TNKS: variants seen among roughly 807,000 people sequenced by gnomAD.
TNKS encodes the protein tankyrase.
In TNKS, 72 loss-of-function variants were observed where a neutral mutation model predicts 135.8. The observed-to-expected ratio is 0.53, with a 90% CI of 0.44 to 0.64. The LOEUF is 0.64. Ranked by LOEUF, TNKS falls within the 30% of genes least tolerant of loss-of-function variation. The pLI is 0.00. For synonymous variants in TNKS, 849 were observed against 649.3 expected (o/e 1.31, Z -4.68); for missense variants, 1,769 against 1,674.0 (o/e 1.06, Z -0.99).
intron 3 of TNKS, among the ~76,000 whole-genome samples, chr8:9,646,358 T>C (rs1800919726): frequency 6.6e-6 from 1 of 152,178 alleles, no homozygotes; most frequent in Admixed American, 6.5e-5. Context: ...TATTCACCTT[T>C]TTAAATTCGA....
At chr8:9,629,422 C>T (rs1800197379) in intron 3 of TNKS, among the ~76,000 whole-genome samples, 1 of 152,180 alleles carries the variant, frequency 6.6e-6, no homozygotes, top group Non-Finnish European at 1.5e-5. Flanking sequence ...ATTTCATTCA[C>T]CCCCTTAAAA....
At chr8:9,598,423 C>G (rs1286574011) in intron 2 of TNKS, among the ~76,000 whole-genome samples, 1 of 152,008 alleles carries the variant, frequency 6.6e-6, no homozygotes, top group Non-Finnish European at 1.5e-5. Flanking sequence ...AGGTTTAATC[C>G]TGTTTTCCTT....
At chr8:9,744,428 C>G (rs1018332630) in intron 17 of TNKS, among the ~76,000 whole-genome samples, 3 of 152,140 alleles carry the variant, frequency 2.0e-5, no homozygotes, top group African/African-American at 7.2e-5. Context: ...GTAATAAAGC[C>G]TCTGTACAAT....
At position 9,633,757 on chromosome 8, in the gene TNKS, G is replaced by C. The variant is rs527334004; in HGVS notation, c.994+18080G>C. Among the ~76,000 whole-genome samples, 287 of 152,278 alleles carry C rather than the reference G, an allele frequency of 1.9e-3. 2 individuals carry two copies. The highest frequency in any genetic ancestry group is 3.1e-3 in the South Asian group (15 of 4,816). On this transcript the variant is annotated intron_variant, in intron 3 of 26. Coordinates refer to ENST00000310430, the MANE Select transcript of TNKS (RefSeq NM_003747.3). Reference sequence around the variant, plus strand: ...ACTGCCTTATAGACAAGCCCATTTGGGGAGGTACTGAAGTCTCTGGCCAGT... The same window carrying C: ...ACTGCCTTATAGACAAGCCCATTTGCGGAGGTACTGAAGTCTCTGGCCAGT...
At chr8:9,571,765 T>C (rs941383408) in intron 1 of TNKS, among the ~76,000 whole-genome samples, 1 of 152,122 alleles carries the variant, frequency 6.6e-6, no homozygotes, top group Non-Finnish European at 1.5e-5. Flanking sequence ...CGCCCGGGGA[T>C]TCCATGTTGT....
In TNKS at chr8:9,765,817, C is replaced by T. The variant is rs764193648; in HGVS notation, c.3553+20C>T. 8.1e-5 allele frequency: 130 copies of T among 1,598,448 alleles called. No individual in the cohort carries two copies. The highest frequency in any genetic ancestry group is 4.5e-4 in the Admixed American group (27 of 59,834). On this transcript the variant is annotated intron_variant, in intron 24 of 26. Coordinates refer to ENST00000310430, the MANE Select transcript of TNKS (RefSeq NM_003747.3). Reference sequence around the variant, plus strand: ...TTCATGGTAAGCAGCGTGGCAGGGACGGTGGACGTCTCCCTGGGCCTTTGC... The same window carrying T: ...TTCATGGTAAGCAGCGTGGCAGGGATGGTGGACGTCTCCCTGGGCCTTTGC...
At chr8:9,724,206 T>G (rs1805045556) in intron 12 of TNKS, among the ~76,000 whole-genome samples, 1 of 152,134 alleles carries the variant, frequency 6.6e-6, no homozygotes, top group Non-Finnish European at 1.5e-5. Flanking sequence ...TCCCTGCACT[T>G]TGGGAGGCAA....
intron 2 of TNKS, among the ~76,000 whole-genome samples, chr8:9,611,167 C>T (rs1048335075): frequency 6.6e-6 from 1 of 152,186 alleles, no homozygotes; most frequent in South Asian, 2.1e-4. Flanking sequence ...CGTCTTACCT[C>T]GAAAGGAGAT....
intron 3 of TNKS, among the ~76,000 whole-genome samples, chr8:9,646,142 ATTGC>A (rs1563139332): frequency 6.6e-6 from 1 of 151,954 alleles, no homozygotes; most frequent in Non-Finnish European, 1.5e-5. Flanking sequence ...GCAAACATTT[ATTGC>A]TTGCTTGCTT....
At chr8:9,656,626 T>A (rs1585286234) in intron 3 of TNKS, among the ~76,000 whole-genome samples, 1 of 144,690 alleles carries the variant, frequency 6.9e-6, no homozygotes, top group Non-Finnish European at 1.5e-5. Context: ...TTTTTTTTTT[T>A]AATTTATTTT....
At chr8:9,769,365 CTA>C (rs1428139238) in intron 25 of TNKS, among the ~76,000 whole-genome samples, 1 of 152,212 alleles carries the variant, frequency 6.6e-6, no homozygotes, top group Non-Finnish European at 1.5e-5. Context: ...TTCACCCAGA[CTA>C]TTATGATTTT....
At chr8:9,673,222 C>G (rs2128794023) in intron 3 of TNKS, among the ~76,000 whole-genome samples, 1 of 152,248 alleles carries the variant, frequency 6.6e-6, no homozygotes, top group South Asian at 2.1e-4. Flanking sequence ...GGTCATATTA[C>G]TGCCTCCTGC....
intron 3 of TNKS, among the ~76,000 whole-genome samples, chr8:9,621,949 C>T (rs1028318046): frequency 2.0e-5 from 3 of 152,108 alleles, no homozygotes; most frequent in Non-Finnish European, 2.9e-5. Flanking sequence ...AGTTAAAAGG[C>T]GTTACTGCTG....
chr8:9,584,423 A>G (rs977662143), intron 2 of TNKS, among the ~76,000 whole-genome samples: 2 of 152,192 alleles, frequency 1.3e-5, no homozygotes, highest in East Asian at 1.9e-4. Flanking sequence ...AATCTTAGCT[A>G]TAGTAAGGAA....
At position 9,556,141 on chromosome 8, in the gene TNKS, G is replaced by T. The variant is rs745374958; in HGVS notation, c.202G>T (p.Gly68Trp). Residue 68 changes from glycine (G) to tryptophan (W), a missense_variant, in exon 1 of 27, where the codon GGG becomes TGG. By Grantham distance (184) the Gly-to-Trp change is radical. Transcript: ENST00000310430. ...GCGGCACGGCCTAGCGCTGCCGGAGGGGGATGGCAGTCGGGATCCGCCCGA... is the reference window on the plus strand; with the variant it reads ...GCGGCACGGCCTAGCGCTGCCGGAGTGGGATGGCAGTCGGGATCCGCCCGA... ...SPRHGLALPE[G>W]DGSRDPPDRP... 1.2e-6 allele frequency: 2 copies of T among 1,607,616 alleles called. No homozygotes were observed. Among genetic ancestry groups the T allele is most frequent in the Admixed American group, 1.7e-5 (1 of 59,778 alleles).
At position 9,707,576 on chromosome 8, in the gene TNKS, T is replaced by A. The variant is rs1804109460; in HGVS notation, c.1456+579T>A. On this transcript the variant is annotated intron_variant, in intron 8 of 26. Coordinates refer to ENST00000310430, the MANE Select transcript of TNKS (RefSeq NM_003747.3). ...TATTTAAGTGAGATTTTAAAAATAA[T>A]TAGGTTGAGGTCATCTTCTGAATAT... Among the ~76,000 whole-genome samples the A allele has an allele frequency of 3.9e-5, 6 of 152,338 alleles. No individual in the cohort carries two copies. The South Asian group carries it at 1.2e-3, about 32-fold the overall frequency.
intron 20 of TNKS, among the ~76,000 whole-genome samples, chr8:9,754,341 CT>C (rs1238317915): frequency 6.6e-6 from 1 of 152,180 alleles, no homozygotes; most frequent in Non-Finnish European, 1.5e-5. Context: ...TAGAATAAAT[CT>C]GTTTTTTCAA....
At chr8:9,618,362 C>G (rs995054993) in intron 3 of TNKS, among the ~76,000 whole-genome samples, 2 of 151,950 alleles carry the variant, frequency 1.3e-5, no homozygotes, top group Non-Finnish European at 2.9e-5. Flanking sequence ...ATTAAGGGAC[C>G]CTAGCACATG....
intron 18 of TNKS, among the ~76,000 whole-genome samples, chr8:9,750,629 C>T (rs1806470187): frequency 6.6e-6 from 1 of 152,216 alleles, no homozygotes; most frequent in Non-Finnish European, 1.5e-5. Flanking sequence ...GGCCACCCTT[C>T]ACGCCTCCAA....
Sources: allele counts gnomAD v4.1 joint callset (sites outside exome capture counted in the v4.1 genomes callset), GRCh38; gene constraint gnomAD v4.1.1; transcripts MANE v1.5; gene names NCBI Gene and HGNC (gene_info 2026-07-23, HGNC 2026-07-21).